Variants in GARNL3 observed in about 807,000 individuals in gnomAD.
GARNL3 encodes the protein GTPase-activating Rap/Ran-GAP domain-like protein 3.
Under a neutral mutation model 125.0 loss-of-function variants are expected in GARNL3, and 63 were observed. That is an observed-to-expected ratio of 0.50 (90% confidence interval 0.41 to 0.62). GARNL3 has a LOEUF of 0.62. GARNL3 is among the 20% of genes least tolerant of loss of function. The pLI, the probability that GARNL3 is intolerant of heterozygous loss-of-function variation, is 0.00. For missense variants in GARNL3, 994 were observed against 1,244.0 expected, an observed-to-expected ratio of 0.80 and a Z score of 3.02; for synonymous variants, 439 against 457.5, an observed-to-expected ratio of 0.96 and a Z score of 0.52.
intron 27 of GARNL3, among the ~76,000 whole-genome samples, chr9:127,391,730 A>T (rs1344241364): frequency 6.6e-6 from 1 of 150,526 alleles, no homozygotes; most frequent in Non-Finnish European, 1.5e-5. Context: ...ACTTAGTAAG[A>T]CTGCAGGGAA....
At chr9:127,231,040 A>ATTTTT (rs1376359454) in intron 1 of GARNL3, among the ~76,000 whole-genome samples, 13 of 46,326 alleles carry the variant, frequency 2.8e-4, no homozygotes, top group Middle Eastern at 8.8e-3. Context: ...ATATACATAT[A>ATTTTT]TATATATATA....
chr9:127,296,619 C>G (rs1160057748), intron 2 of GARNL3, among the ~76,000 whole-genome samples: 1 of 151,650 alleles, frequency 6.6e-6, no homozygotes, highest in African/African-American at 2.4e-5. Flanking sequence ...TTACAGGCAC[C>G]CACCATTGTA....
upstream of GARNL3, among the ~76,000 whole-genome samples, chr9:127,261,266 A>T (rs949564429): frequency 6.6e-6 from 1 of 152,084 alleles, no homozygotes; most frequent in Admixed American, 6.5e-5. Flanking sequence ...CAAAAAAAAG[A>T]ATCTTCTATG....
At chr9:127,232,066 T>C (rs556764895) in intron 1 of GARNL3, among the ~76,000 whole-genome samples, 2 of 152,224 alleles carry the variant, frequency 1.3e-5, no homozygotes, top group Non-Finnish European at 2.9e-5. Context: ...CACCACTTCA[T>C]AAAGCAAGCC....
At chr9:127,332,470 C>A in intron 8 of GARNL3, 121 bp downstream of exon 8, 1 of 767,988 alleles carries the variant, frequency 1.3e-6, no homozygotes, top group Non-Finnish European at 2.2e-6. Flanking sequence ...GATAGTTTTA[C>A]ACAATTTCAG....
intron 2 of GARNL3, among the ~76,000 whole-genome samples, chr9:127,253,942 T>C (rs1463096321): frequency 6.6e-6 from 1 of 152,150 alleles, no homozygotes; most frequent in Non-Finnish European, 1.5e-5. Context: ...GATAAAAGAT[T>C]AGACACTAGA....
intron 6 of GARNL3, among the ~76,000 whole-genome samples, chr9:127,321,236 C>T (rs546801457): frequency 2.0e-5 from 3 of 152,138 alleles, no homozygotes; most frequent in Admixed American, 6.5e-5. Flanking sequence ...TGGGTTCAAG[C>T]GATTCTCCTG....
At chr9:127,371,832 T>A (rs980208385) in intron 22 of GARNL3, among the ~76,000 whole-genome samples, 7 of 152,264 alleles carry the variant, frequency 4.6e-5, no homozygotes, top group African/African-American at 1.7e-4. Flanking sequence ...GATTTACACA[T>A]ATTTGGTAAA....
chr9:127,313,596 C>G, intron 4 of GARNL3, 37 bp downstream of exon 4: 2 of 1,346,652 alleles, frequency 1.5e-6, no homozygotes, highest in Non-Finnish European at 2.1e-6. Flanking sequence ...AAAATTTATG[C>G]ATCAGTTTCA....
chr9:127,294,382 G>A (rs2064520456), intron 2 of GARNL3, among the ~76,000 whole-genome samples: 2 of 152,092 alleles, frequency 1.3e-5, no homozygotes, highest in South Asian at 4.1e-4. Context: ...TCGGCTCACT[G>A]CACCTCCGCC....
intron 1 of GARNL3, among the ~76,000 whole-genome samples, chr9:127,288,869 A>G (rs1161249176): frequency 6.6e-6 from 1 of 152,184 alleles, no homozygotes; most frequent in East Asian, 1.9e-4. Flanking sequence ...TATAGTCAGG[A>G]CTGTCTCTAG....
At chr9:127,259,770 C>T (rs1446696044), upstream of GARNL3, among the ~76,000 whole-genome samples, 1 of 152,072 alleles carries the variant, frequency 6.6e-6, no homozygotes, top group African/African-American at 2.4e-5. Flanking sequence ...GATGTGGTGG[C>T]TCATACCTGT....
chr9:127,253,097 G>A (rs2063434965), intron 2 of GARNL3, among the ~76,000 whole-genome samples: 3 of 152,168 alleles, frequency 2.0e-5, no homozygotes, highest in African/African-American at 4.8e-5. Flanking sequence ...TGAATATGCT[G>A]TATAAGGCAG....
chr9:127,294,985 A>G (rs1232664951), intron 2 of GARNL3, among the ~76,000 whole-genome samples: 1 of 152,228 alleles, frequency 6.6e-6, no homozygotes, highest in Non-Finnish European at 1.5e-5. Context: ...GGGTCGTCAG[A>G]AAGCCCTTAT....
intron 1 of GARNL3, among the ~76,000 whole-genome samples, chr9:127,281,982 C>G (rs571916512): frequency 6.6e-6 from 1 of 152,310 alleles, no homozygotes; most frequent in South Asian, 2.1e-4. Flanking sequence ...GAATAAATTG[C>G]ATTATAGCAA....
At chr9:127,333,914 A>G (rs1829404904) in intron 9 of GARNL3, among the ~76,000 whole-genome samples, 1 of 152,174 alleles carries the variant, frequency 6.6e-6, no homozygotes, top group Non-Finnish European at 1.5e-5. Context: ...CTTTGAGCAG[A>G]CAGGGGAGGC....
chr9:127,309,306 C>A (rs976993398), intron 2 of GARNL3, among the ~76,000 whole-genome samples: 7 of 152,290 alleles, frequency 4.6e-5, no homozygotes, highest in South Asian at 2.1e-4. Flanking sequence ...GTCTCAATTT[C>A]CTCATCTGAA....
At chr9:127,390,198 A>G (rs1161299467) in intron 26 of GARNL3, among the ~76,000 whole-genome samples, 1 of 152,248 alleles carries the variant, frequency 6.6e-6, no homozygotes. Context: ...ACAGGGCAGG[A>G]CTAGACACTA....
At chr9:127,335,814 G>A (rs1829521801) in intron 10 of GARNL3, among the ~76,000 whole-genome samples, 1 of 152,130 alleles carries the variant, frequency 6.6e-6, no homozygotes, top group Admixed American at 6.5e-5. Flanking sequence ...TGGTTGACAA[G>A]TATTGTTATC....
Sources: allele counts gnomAD v4.1 joint callset (sites outside exome capture counted in the v4.1 genomes callset), GRCh38; gene constraint gnomAD v4.1.1; transcripts MANE v1.5; gene names NCBI Gene and HGNC (gene_info 2026-07-23, HGNC 2026-07-21).